The following MEIOSIN variants were observed in gnomAD, a reference collection of about 807,000 sequenced individuals.
MEIOSIN encodes meiosis initiator.
A neutral mutation model predicts 23.4 loss-of-function variants in MEIOSIN; 18 were observed. The ratio of observed to expected loss-of-function variants is 0.77; its 90% CI spans 0.53 to 1.14. The LOEUF (loss-of-function observed/expected upper bound fraction) is 1.14. Among genes scored for constraint, MEIOSIN ranks in the 50% most tolerant of loss-of-function variants. The pLI, the probability that MEIOSIN is intolerant of heterozygous loss-of-function variation, is 0.00. For synonymous variants in MEIOSIN, 187 were observed against 100.6 expected (o/e 1.86, Z -5.14); for missense variants, 428 against 242.9 (o/e 1.76, Z -5.07).
Position 45,734,870 on chromosome 19 carries a change from C to G in MEIOSIN, c.1-507C>G, listed in dbSNP as rs1480004205. 2.0e-5 allele frequency among the ~76,000 whole-genome samples: 3 copies of G among 151,394 alleles called. No individual in the cohort carries two copies. In the East Asian group the frequency reaches 5.9e-4, roughly 30 times the overall value. The stretch of plus-strand genomic sequence containing the variant: ...GGACTCTAAAGTATTAGTTTTAGTG[C>G]CTTTTTAGAGGTTTAGGGGTTTGTT... On this transcript the variant is annotated intron_variant, in intron 1 of 14. Coordinates refer to ENST00000457052, the MANE Select transcript of MEIOSIN (RefSeq NM_001310124.2).
intron 3 of MEIOSIN, among the ~76,000 whole-genome samples, chr19:45,743,942 C>T (rs1968547862): frequency 6.6e-6 from 1 of 152,072 alleles, no homozygotes; most frequent in African/African-American, 2.4e-5. Context: ...CAGATGTGAG[C>T]CACCACACTC....
intron 8 of MEIOSIN, 138 bp downstream of exon 8, chr19:45,756,216 C>A (rs1331359426): frequency 3.3e-6 from 2 of 606,900 alleles, no homozygotes; most frequent in Non-Finnish European, 5.9e-6. Context: ...AGCTTTGTGT[C>A]TGCCATTGTG....
At chr19:45,740,253 T>C (rs890494155) in intron 3 of MEIOSIN, among the ~76,000 whole-genome samples, 1 of 152,200 alleles carries the variant, frequency 6.6e-6, no homozygotes, top group South Asian at 2.1e-4. Context: ...ACCTCCATTT[T>C]GTAAAGGAGG....
chr19:45,740,229 A>G (rs1968479031), intron 3 of MEIOSIN, among the ~76,000 whole-genome samples: 1 of 152,208 alleles, frequency 6.6e-6, no homozygotes, highest in Non-Finnish European at 1.5e-5. Context: ...GATAAGATCA[A>G]GGTTTTCCTA....
Position 45,759,427 on chromosome 19 carries a change from A to C in MEIOSIN, c.1182A>C (p.Glu394Asp), listed in dbSNP as rs1183797934. Residue 394 changes from glutamate (E) to aspartate (D), a missense_variant, in exon 11 of 15, where the codon GAA (glutamate) becomes GAC (aspartate). Transcript: ENST00000457052. ...MEYLTQAAFFEEVCLDLESSP... is the reference protein window; with the variant it reads ...MEYLTQAAFFDEVCLDLESSP... ...CTCCCTCCCTAGCGGCTTTCTTTGAAGAAGTGTGCTTAGATCTGGAGTCTT... is the reference window on the plus strand; with the variant it reads ...CTCCCTCCCTAGCGGCTTTCTTTGACGAAGTGTGCTTAGATCTGGAGTCTT... The C allele has an allele frequency of 2.8e-6, 2 of 703,408 alleles. No individual in the cohort carries two copies. The highest frequency in any genetic ancestry group is 2.0e-5 in the Admixed American group (1 of 49,988). 43.6% of individuals were successfully genotyped at this position (703,408 alleles called of 1,614,324 possible). A position where few individuals can be genotyped will look rare whatever the true frequency, so the allele number is the denominator to read the frequency against.
intron 4 of MEIOSIN, among the ~76,000 whole-genome samples, chr19:45,747,117 G>A (rs565933896): frequency 1.4e-4 from 21 of 152,242 alleles, no homozygotes; most frequent in African/African-American, 4.3e-4. Context: ...ATAAATGACC[G>A]GATGGCCACA....
chr19:45,753,858 T>C (rs1393998557), intron 6 of MEIOSIN, 70 bp downstream of exon 6: 2 of 651,632 alleles, frequency 3.1e-6, no homozygotes, highest in South Asian at 1.7e-5. Context: ...TCTCCAGGGA[T>C]GTCCTTACTC....
chr19:45,750,772 A>G lies in MEIOSIN; in HGVS notation c.404A>G (p.Glu135Gly). The change falls in exon 5 of 15, where the codon GAA becomes GGA. Residue 135 changes from glutamate (E) to glycine (G), a missense_variant. Glu to Gly is a moderately conservative substitution (Grantham distance 98, BLOSUM62 -2). Transcript: ENST00000457052. The part of the protein sequence containing the change: ...ALFKCHITTG[E>G]GGLAGLGQKP... ...TTCAAATGCCACATCACCACTGGGG[A>G]AGGTGGACTTGCGGGTAAGTAGTTC... The G allele has an allele frequency of 1.6e-6, 1 of 625,308 alleles. No homozygotes were observed. The highest frequency in any genetic ancestry group is 2.8e-6 in the Non-Finnish European group (1 of 353,586). The allele number at this position is 625,308 out of a possible 1,614,324, so 38.7% of individuals were successfully genotyped here.
intron 13 of MEIOSIN, 147 bp from the exon 14 acceptor site, chr19:45,763,191 C>T (rs1298635233): frequency 2.5e-6 from 1 of 395,620 alleles, no homozygotes; most frequent in Non-Finnish European, 4.5e-6. Flanking sequence ...CCCTTGTGAA[C>T]AGCCGCTGAG....
chr19:45,755,754 A>T (rs1968812288), intron 7 of MEIOSIN, among the ~76,000 whole-genome samples: 1 of 152,136 alleles, frequency 6.6e-6, no homozygotes, highest in Non-Finnish European at 1.5e-5. Flanking sequence ...CCCCCATTAC[A>T]GCTTCTGATA....
At chr19:45,761,654 A>G (rs917665130) in intron 11 of MEIOSIN, 25 bp from the exon 12 acceptor site, 2 of 697,716 alleles carry the variant, frequency 2.9e-6, no homozygotes, top group Non-Finnish European at 2.6e-6. Context: ...CTCCCCTCCC[A>G]TCTTTCTCCC....
chr19:45,760,506 T>C (rs1968917343), intron 11 of MEIOSIN, among the ~76,000 whole-genome samples: 1 of 152,128 alleles, frequency 6.6e-6, no homozygotes, highest in African/African-American at 2.4e-5. Context: ...CTCAGGAGGC[T>C]GAGGCAGAAG....
Position 45,757,237 on chromosome 19 carries a change from C to T in MEIOSIN, c.972C>T (p.Asp324=), listed in dbSNP as rs1409709908. 1.4e-6 allele frequency: 1 copy of T among 702,854 alleles called. No individual in the cohort carries two copies. Among genetic ancestry groups the T allele is most frequent in the Admixed American group, 2.0e-5 (1 of 49,986 alleles). 43.5% of individuals were successfully genotyped at this position (702,854 alleles called of 1,614,324 possible). ...EDVDKGSLDA[D]PWLPAWTPEN... ...TGGACAAAGGGTCCCTAGACGCTGA[C>T]CCTTGGCTCCCTGCCTGGACCCCAG... Residue 324 remains aspartate, a synonymous_variant, in exon 9 of 15, where the codon GAC becomes GAT. Transcript: ENST00000457052.
chr19:45,737,255 C>T, intron 2 of MEIOSIN, among the ~76,000 whole-genome samples: 1 of 151,614 alleles, frequency 6.6e-6, no homozygotes, highest in Non-Finnish European at 1.5e-5. Flanking sequence ...TCCCAGCTGA[C>T]TGCAGCCTCG....
At chr19:45,750,580 C>T (rs186862426) in intron 4 of MEIOSIN, 95 bp from the exon 5 acceptor site, 109 of 372,048 alleles carry the variant, frequency 2.9e-4, no homozygotes, top group Admixed American at 5.2e-4. Flanking sequence ...AGGCTGGTCT[C>T]GAACTCCTGA....
In MEIOSIN at chr19:45,754,779, G is replaced by C. The variant is rs1477426021; in HGVS notation, c.802+55G>C. ...TCTTTCAGTAAGATGCCACTCTGGG[G>C]GCACCTGCTGTGTCCCAGACACAGT... On this transcript the variant is annotated intron_variant, in intron 7 of 14. Transcript: ENST00000457052. The C allele has an allele frequency of 1.3e-5, 9 of 696,246 alleles. No homozygotes were observed. In the East Asian group the frequency reaches 2.1e-4, roughly 17 times the overall value. 43.1% of individuals were successfully genotyped at this position (696,246 alleles called of 1,614,324 possible).
intron 9 of MEIOSIN, 141 bp downstream of exon 9, chr19:45,757,418 C>T (rs1186073891): frequency 5.5e-6 from 3 of 548,662 alleles, no homozygotes; most frequent in African/African-American, 1.9e-5. Context: ...ACACAGTGCA[C>T]CTGCCAGCTC....
At chr19:45,742,720 C>A (rs950536784) in intron 3 of MEIOSIN, among the ~76,000 whole-genome samples, 10 of 151,986 alleles carry the variant, frequency 6.6e-5, no homozygotes, top group African/African-American at 2.4e-4. Flanking sequence ...GAGGCGTAAT[C>A]CCGGGAGGCG....
chr19:45,763,087 G>A (rs996237168), intron 13 of MEIOSIN, among the ~76,000 whole-genome samples: 2 of 152,224 alleles, frequency 1.3e-5, no homozygotes, highest in African/African-American at 2.4e-5. Flanking sequence ...AAGCCACAGT[G>A]GAAAACAGCT....
Sources: allele counts gnomAD v4.1 joint callset (sites outside exome capture counted in the v4.1 genomes callset), GRCh38; gene constraint gnomAD v4.1.1; transcripts MANE v1.5; gene names NCBI Gene and HGNC (gene_info 2026-07-23, HGNC 2026-07-21).